VWA8: variants seen among roughly 807,000 people sequenced by gnomAD.
VWA8 encodes the protein von Willebrand factor A domain containing 8, also known as von Willebrand factor A domain-containing protein 8.
In VWA8, 221 loss-of-function variants were observed where a neutral mutation model predicts 241.5. That is an observed-to-expected ratio of 0.91 (90% CI 0.82 to 1.02). The LOEUF is 1.02. Among genes scored for constraint, VWA8 ranks in the 50% least tolerant of loss-of-function variants. The probability of loss-of-function intolerance (pLI) is 0.00; values close to 1 mark genes in which losing one functional copy is unlikely to be tolerated. For missense variants in VWA8, 2,322 were observed against 2,328.7 expected, an observed-to-expected ratio of 1.00 and a Z score of 0.06; for synonymous variants, 852 against 827.1, an observed-to-expected ratio of 1.03 and a Z score of -0.52.
At position 41,705,494 on chromosome 13, in the gene VWA8, C is replaced by T. The variant is rs192851100; in HGVS notation, c.3117-2083G>A. ...GTTCACCAAAGGAGAATTGGGGCTCCAAATGTAGAAACAGAAAAATAACAG... is the reference window on the plus strand; with the variant it reads ...GTTCACCAAAGGAGAATTGGGGCTCTAAATGTAGAAACAGAAAAATAACAG... On this transcript the variant is annotated intron_variant, in intron 26 of 44. Transcript: ENST00000379310. Among the ~76,000 whole-genome samples, 4 of 152,124 alleles carry T rather than the reference C, an allele frequency of 2.6e-5. No individual in the cohort carries two copies. The East Asian group carries it at 7.7e-4, about 29-fold the overall frequency.
At chr13:41,820,762 G>A (rs919676370) in intron 14 of VWA8, among the ~76,000 whole-genome samples, 19 of 152,284 alleles carry the variant, frequency 1.2e-4, no homozygotes, top group African/African-American at 3.4e-4. Flanking sequence ...AGATAGCCAC[G>A]TGACAGAAAC....
At position 41,591,859 on chromosome 13, in the gene VWA8, C is replaced by T. The variant is rs348256; in HGVS notation, c.4987-1094G>A. Among the ~76,000 whole-genome samples the T allele has an allele frequency of 6.9e-3, 989 of 144,194 alleles. 5 individuals are homozygous for T. The highest frequency in any genetic ancestry group is 0.022 in the African/African-American group (859 of 38,546). The allele number at this position is 144,194 out of a possible 152,430, so 94.6% of individuals were successfully genotyped here. ...GCGGAGAAATAGGAACACTTTTACACTGTTGGTGGGACTGTAAACTAGTTC... is the reference window on the plus strand; with the variant it reads ...GCGGAGAAATAGGAACACTTTTACATTGTTGGTGGGACTGTAAACTAGTTC... On this transcript the variant is annotated intron_variant, in intron 40 of 44. Transcript: ENST00000379310.
intron 12 of VWA8, among the ~76,000 whole-genome samples, chr13:41,858,043 G>T (rs77209607): frequency 0.015 from 2,355 of 152,148 alleles, 24 homozygotes; most frequent in Middle Eastern, 0.054. Context: ...TGGCTCTATT[G>T]GTTCTCAGCC....
chr13:41,611,550 G>A, intron 39 of VWA8, 26 bp downstream of exon 39: 2 of 1,612,842 alleles, frequency 1.2e-6, no homozygotes, highest in Non-Finnish European at 1.7e-6. Flanking sequence ...CAGTAGTGCT[G>A]GTCTAAATGT....
chr13:41,588,544 G>T (rs1426163748), intron 41 of VWA8, among the ~76,000 whole-genome samples: 1 of 152,026 alleles, frequency 6.6e-6, no homozygotes, highest in Admixed American at 6.6e-5. Flanking sequence ...AACACAGCAA[G>T]AACTCATCTC....
In VWA8 at chr13:41,666,851, G is replaced by A. The variant is rs116282910; in HGVS notation, c.4611+4095C>T. ...TGCTGAAACCCAGCTCTACTGACAC[G>A]TGGCGAGGAGACATGGATGGTGAGA... On this transcript the variant is annotated intron_variant, in intron 37 of 44. Coordinates refer to ENST00000379310, the MANE Select transcript of VWA8 (RefSeq NM_015058.2). 1.2e-3 allele frequency among the ~76,000 whole-genome samples: 182 copies of A among 152,210 alleles called. 1 individual carries two copies. Among genetic ancestry groups the A allele is most frequent in the African/African-American group, 3.9e-3 (164 of 41,552 alleles).
intron 12 of VWA8, among the ~76,000 whole-genome samples, chr13:41,838,169 A>G (rs1045244114): frequency 6.6e-6 from 1 of 152,170 alleles, no homozygotes; most frequent in African/African-American, 2.4e-5. Flanking sequence ...GATATGCTTT[A>G]AATGTTTTTA....
chr13:41,853,715 GTTCT>G (rs1030164813), intron 12 of VWA8, among the ~76,000 whole-genome samples: 11 of 152,148 alleles, frequency 7.2e-5, no homozygotes, highest in Admixed American at 5.9e-4. Context: ...TGTGATGTTT[GTTCT>G]TTTGTTTATA....
At chr13:41,946,819 G>T (rs886700617) in intron 2 of VWA8, among the ~76,000 whole-genome samples, 8 of 152,070 alleles carry the variant, frequency 5.3e-5, no homozygotes, top group Non-Finnish European at 1.0e-4. Context: ...CTTTAGTCAG[G>T]TTTCTAAACC....
intron 39 of VWA8, among the ~76,000 whole-genome samples, chr13:41,605,703 C>T (rs765794226): frequency 1.3e-5 from 2 of 151,754 alleles, no homozygotes; most frequent in African/African-American, 4.9e-5. Flanking sequence ...GTGGCAGATT[C>T]CTAAGAGGGT....
chr13:41,741,404 T>C (rs2045568364), intron 21 of VWA8, among the ~76,000 whole-genome samples: 1 of 152,242 alleles, frequency 6.6e-6, no homozygotes, highest in South Asian at 2.1e-4. Context: ...TTATGATAAA[T>C]GGTTATGGCC....
intron 9 of VWA8, among the ~76,000 whole-genome samples, chr13:41,875,359 C>T (rs1368775906): frequency 6.6e-6 from 1 of 152,082 alleles, no homozygotes; most frequent in East Asian, 1.9e-4. Context: ...TCCATGCACT[C>T]CACATTTTTT....
At chr13:41,744,461 C>T (rs2045589320) in intron 21 of VWA8, among the ~76,000 whole-genome samples, 1 of 152,172 alleles carries the variant, frequency 6.6e-6, no homozygotes, top group Non-Finnish European at 1.5e-5. Context: ...CTGAACAACC[C>T]ATAAATAAAT....
At chr13:41,748,126 G>A (rs2045624579) in intron 21 of VWA8, among the ~76,000 whole-genome samples, 1 of 152,176 alleles carries the variant, frequency 6.6e-6, no homozygotes, top group South Asian at 2.1e-4. Flanking sequence ...ATGAATTAGG[G>A]AGGATTCCCT....
chr13:41,727,421 A>C, intron 23 of VWA8, 108 bp from the exon 24 acceptor site: 1 of 965,008 alleles, frequency 1.0e-6, no homozygotes, highest in Non-Finnish European at 1.4e-6. Flanking sequence ...AATTGTAAAA[A>C]GCTCTAAGAT....
At chr13:41,593,897 G>C (rs1674335727) in intron 40 of VWA8, among the ~76,000 whole-genome samples, 1 of 152,064 alleles carries the variant, frequency 6.6e-6, no homozygotes, top group African/African-American at 2.4e-5. Flanking sequence ...GAGAAATGTG[G>C]GATTAGAACT....
At chr13:41,573,597 C>G (rs1490230531) in intron 43 of VWA8, among the ~76,000 whole-genome samples, 1 of 103,926 alleles carries the variant, frequency 9.6e-6, no homozygotes, top group South Asian at 3.3e-4. Flanking sequence ...ATATATACAC[C>G]TCTATATATA....
intron 9 of VWA8, among the ~76,000 whole-genome samples, chr13:41,874,665 G>T (rs974755609): frequency 3.9e-5 from 6 of 151,984 alleles, no homozygotes; most frequent in African/African-American, 1.4e-4. Context: ...ATTGGATATT[G>T]GTCTGTCAGG....
chr13:41,927,467 G>T, intron 2 of VWA8: 1 of 251,116 alleles, frequency 4.0e-6, no homozygotes, highest in Admixed American at 4.2e-5. Flanking sequence ...GTTCCATTCA[G>T]CCATCAGAAG....
Sources: gnomAD v4.1 joint callset for allele counts (sites outside exome capture counted in the v4.1 genomes callset) on GRCh38, gnomAD v4.1.1 for gene constraint, MANE v1.5 for transcripts, NCBI Gene and HGNC (gene_info 2026-07-23, HGNC 2026-07-21) for gene names.